The following SLC4A4 variants were observed in gnomAD, a reference collection of about 807,000 sequenced individuals.
SLC4A4 encodes solute carrier family 4 member 4, also known as electrogenic sodium bicarbonate cotransporter 1.
In SLC4A4, 27 loss-of-function variants were observed where a neutral mutation model predicts 111.5. That is an observed-to-expected ratio of 0.24 (90% CI 0.18 to 0.33). SLC4A4 has a LOEUF of 0.33. Ranked by LOEUF, SLC4A4 falls within the 10% of genes least tolerant of loss-of-function variation. The pLI, the probability that SLC4A4 is intolerant of heterozygous loss-of-function variation, is 1.00. For synonymous variants in SLC4A4, 443 were observed against 463.4 expected (o/e 0.96, Z 0.57); for missense variants, 909 against 1,315.5 (o/e 0.69, Z 4.78).
intron 1 of SLC4A4, among the ~76,000 whole-genome samples, chr4:71,199,103 T>C (rs1299141273): frequency 1.3e-5 from 2 of 152,260 alleles, no homozygotes; most frequent in African/African-American, 4.8e-5. Context: ...AAGTCACTTA[T>C]CATTTTGTAG....
intron 3 of SLC4A4, among the ~76,000 whole-genome samples, chr4:71,281,332 C>A (rs997715593): frequency 6.6e-6 from 1 of 152,138 alleles, no homozygotes; most frequent in Non-Finnish European, 1.5e-5. Flanking sequence ...GATTAGGCAA[C>A]AAGAGTACGT....
intron 2 of SLC4A4, among the ~76,000 whole-genome samples, chr4:71,109,100 T>A (rs1452318395): frequency 6.6e-6 from 1 of 152,200 alleles, no homozygotes; most frequent in Admixed American, 6.5e-5. Flanking sequence ...AATAATGTGA[T>A]GTCTCTGAAA....
chr4:71,485,322 G>C (rs1177103590), intron 14 of SLC4A4, among the ~76,000 whole-genome samples: 1 of 151,476 alleles, frequency 6.6e-6, no homozygotes, highest in Non-Finnish European at 1.5e-5. Flanking sequence ...CACCTAGTTT[G>C]TTGAGAGTTT....
intron 1 of SLC4A4, among the ~76,000 whole-genome samples, chr4:71,087,408 G>A (rs529157446): frequency 1.3e-5 from 2 of 151,916 alleles, no homozygotes; most frequent in African/African-American, 4.8e-5. Context: ...ATCTCCTTCA[G>A]TTCTGCTCTG....
At chr4:71,421,500 C>T (rs564707999) in intron 7 of SLC4A4, among the ~76,000 whole-genome samples, 1 of 152,330 alleles carries the variant, frequency 6.6e-6, no homozygotes, top group East Asian at 1.9e-4. Context: ...TAGACATCTA[C>T]AGAACTCTCC....
chr4:71,322,116 G>A (rs1485705689), intron 3 of SLC4A4, among the ~76,000 whole-genome samples: 1 of 151,998 alleles, frequency 6.6e-6, no homozygotes, highest in Non-Finnish European at 1.5e-5. Flanking sequence ...AATCTTTAGA[G>A]CGTTAATACA....
chr4:71,364,269 A>G (rs190162612), intron 6 of SLC4A4, among the ~76,000 whole-genome samples: 214 of 152,314 alleles, frequency 1.4e-3, no homozygotes, highest in Non-Finnish European at 2.4e-3. Context: ...AGCAATTTAC[A>G]TAATCTCTTT....
At chr4:71,506,891 G>A (rs1436878677) in intron 16 of SLC4A4, among the ~76,000 whole-genome samples, 1 of 151,998 alleles carries the variant, frequency 6.6e-6, no homozygotes, top group Non-Finnish European at 1.5e-5. Context: ...ACCAACAGTG[G>A]GCCTCTCAGT....
At chr4:71,127,419 A>G (rs549634769) in intron 2 of SLC4A4, among the ~76,000 whole-genome samples, 1 of 152,272 alleles carries the variant, frequency 6.6e-6, no homozygotes, top group South Asian at 2.1e-4. Context: ...TTTTGAGATG[A>G]CTTCCTTATT....
chr4:71,167,826 C>G (rs941535104), intron 2 of SLC4A4, among the ~76,000 whole-genome samples: 1 of 152,094 alleles, frequency 6.6e-6, no homozygotes. Flanking sequence ...CTTGTTCTTT[C>G]AACTCTTACA....
intron 1 of SLC4A4, among the ~76,000 whole-genome samples, chr4:71,214,696 A>C (rs1718321540): frequency 6.6e-6 from 1 of 152,216 alleles, no homozygotes; most frequent in African/African-American, 2.4e-5. Context: ...AATGTTTCTG[A>C]ATCTTTTTCA....
intron 2 of SLC4A4, among the ~76,000 whole-genome samples, chr4:71,113,609 G>A (rs542328893): frequency 3.9e-5 from 6 of 152,146 alleles, no homozygotes; most frequent in Admixed American, 2.0e-4. Flanking sequence ...CCTTAATTGC[G>A]GTGGTCATGC....
chr4:71,103,733 G>C (rs1023334791), intron 2 of SLC4A4, among the ~76,000 whole-genome samples: 1 of 151,932 alleles, frequency 6.6e-6, no homozygotes, highest in Non-Finnish European at 1.5e-5. Flanking sequence ...CGAGAACAAA[G>C]ACACAACATA....
Position 71,557,805 on chromosome 4 carries a change from T to A in SLC4A4, c.2857T>A (p.Phe953Ile). The change falls in exon 22 of 26, where the codon TTC becomes ATC. Residue 953 changes from phenylalanine (F) to isoleucine (I), a missense_variant. Physicochemically the swap from Phe to Ile is conservative, Grantham distance 21. This residue lies in a region of SLC4A4 where 104 missense variants were observed against 219.5 expected (regional missense o/e 0.47). Transcript: ENST00000264485. ...RHVPLRRVHL[F>I]TFLQVLCLAL... ...TGTTCCTCTGCGCAGAGTCCACCTG[T>A]TCACTTTCCTGCAGGTGTTGTGTCT... is the stretch of plus-strand genomic sequence containing the variant. 1 of 1,612,644 alleles carries A rather than the reference T, an allele frequency of 6.2e-7. No individual in the cohort carries two copies. Among genetic ancestry groups the A allele is most frequent in the Non-Finnish European group, 8.5e-7 (1 of 1,179,180 alleles).
chr4:71,143,938 C>T (rs1744085989), intron 2 of SLC4A4, among the ~76,000 whole-genome samples: 2 of 152,122 alleles, frequency 1.3e-5, no homozygotes, highest in South Asian at 4.2e-4. Context: ...TGTGCAGAAG[C>T]TCTTGAGTTT....
At chr4:71,424,843 G>T (rs923428959) in intron 7 of SLC4A4, among the ~76,000 whole-genome samples, 1 of 152,022 alleles carries the variant, frequency 6.6e-6, no homozygotes, top group African/African-American at 2.4e-5. Flanking sequence ...GACTGTTGTG[G>T]AGTGGCGGGG....
At chr4:71,363,713 A>G (rs1731002726) in intron 6 of SLC4A4, among the ~76,000 whole-genome samples, 1 of 152,134 alleles carries the variant, frequency 6.6e-6, no homozygotes, top group South Asian at 2.1e-4. Flanking sequence ...CTCTTTCCCA[A>G]AAGCAACAGC....
chr4:71,237,891 A>C (rs1719924700), intron 2 of SLC4A4, among the ~76,000 whole-genome samples: 1 of 152,088 alleles, frequency 6.6e-6, no homozygotes, highest in African/African-American at 2.4e-5. Context: ...TTTCTTTCAT[A>C]TTGTTTTATG....
At chr4:71,389,181 AT>A (rs1429052063) in intron 6 of SLC4A4, among the ~76,000 whole-genome samples, 6 of 152,176 alleles carry the variant, frequency 3.9e-5, no homozygotes, top group African/African-American at 1.4e-4. Context: ...ATGAAGCCTA[AT>A]TGATGCAGGT....
Sources: allele counts gnomAD v4.1 joint callset (sites outside exome capture counted in the v4.1 genomes callset), GRCh38; gene constraint gnomAD v4.1.1; regional missense constraint gnomAD v4.1.1; transcripts MANE v1.5; gene names NCBI Gene and HGNC (gene_info 2026-07-23, HGNC 2026-07-21).